OLFML2A: variants seen among roughly 807,000 people sequenced by gnomAD.
OLFML2A encodes the protein olfactomedin like 2A.
OLFML2A carries 47 observed loss-of-function variants against 60.9 expected under a neutral mutation model. The ratio of observed to expected loss-of-function variants is 0.77; its 90% confidence interval spans 0.61 to 0.98. OLFML2A has a LOEUF of 0.98. Among genes scored for constraint, OLFML2A ranks in the 50% least tolerant of loss-of-function variants. The pLI, the probability that OLFML2A is intolerant of heterozygous loss-of-function variation, is 0.00. For missense variants in OLFML2A, 922 were observed against 879.8 expected, an observed-to-expected ratio of 1.05 and a Z score of -0.61; for synonymous variants, 372 against 375.0, an observed-to-expected ratio of 0.99 and a Z score of 0.09.
intron 7 of OLFML2A, 132 bp downstream of exon 7, chr9:124,808,098 C>A: frequency 1.4e-6 from 1 of 692,088 alleles, no homozygotes; most frequent in Non-Finnish European, 2.4e-6. Context: ...TTGTTAGCCA[C>A]CCCAAGGAGG....
chr9:124,798,597 G>A (rs1457794311), intron 3 of OLFML2A, among the ~76,000 whole-genome samples: 1 of 151,964 alleles, frequency 6.6e-6, no homozygotes, highest in Non-Finnish European at 1.5e-5. Context: ...ACTTTGGGAG[G>A]CCAAGGCGGG....
rs190591120 is a variant in OLFML2A at position 124,789,210 on chromosome 9, G to A, written c.354+1972G>A. Among the ~76,000 whole-genome samples the A allele has an allele frequency of 2.9e-3, 440 of 152,300 alleles. 4 individuals carry two copies. The highest frequency in any genetic ancestry group is 3.7e-3 in the Non-Finnish European group (254 of 68,016). On this transcript the variant is annotated intron_variant, in intron 2 of 7. Coordinates refer to ENST00000373580, the MANE Select transcript of OLFML2A (RefSeq NM_182487.4). The stretch of plus-strand genomic sequence containing the variant: ...CTCCCAAAATGCTGGGATTACAGGC[G>A]TGAGTCACTGTGCCTTTCCAGTTTG...
rs1263678645 is a variant in OLFML2A at position 124,795,048 on chromosome 9, G to C, written c.379G>C (p.Glu127Gln). Residue 127 changes from glutamate (E) to glutamine (Q), a missense_variant, in exon 3 of 8, where the codon GAG (glutamate) becomes CAG (glutamine). Transcript: ENST00000373580. Reference sequence around the variant, plus strand: ...GCTGCAGTCCATGGTGGATCTCCTGGAGGGCACCCTGTACAGCATGGACTT... The same window carrying C: ...GCTGCAGTCCATGGTGGATCTCCTGCAGGGCACCCTGTACAGCATGGACTT... Reference protein sequence around the residue: ...LKLQSMVDLLEGTLYSMDLMK... With the variant: ...LKLQSMVDLLQGTLYSMDLMK... The C allele has an allele frequency of 6.2e-7, 1 of 1,606,472 alleles. No homozygotes were observed. The highest frequency in any genetic ancestry group is 1.3e-5 in the African/African-American group (1 of 74,844).
At chr9:124,782,397 C>T (rs1841377162) in intron 1 of OLFML2A, among the ~76,000 whole-genome samples, 1 of 152,198 alleles carries the variant, frequency 6.6e-6, no homozygotes, top group Non-Finnish European at 1.5e-5. Flanking sequence ...ATTCTGATAG[C>T]AGGTACCCCT....
At chr9:124,795,206 G>A (rs767048080) in intron 3 of OLFML2A, 75 bp downstream of exon 3, 56 of 792,572 alleles carry the variant, frequency 7.1e-5, no homozygotes, top group African/African-American at 1.0e-4. Context: ...AAGGGGCCCC[G>A]GCAATCCAGG....
intron 2 of OLFML2A, among the ~76,000 whole-genome samples, chr9:124,792,181 G>C (rs1232372071): frequency 6.6e-6 from 1 of 152,226 alleles, no homozygotes; most frequent in Admixed American, 6.5e-5. Context: ...GGCACTACCT[G>C]TGCCCCTGAT....
In OLFML2A at chr9:124,801,664, G is replaced by A; in HGVS notation, c.919+1G>A. ...CAGGAGGTGACCGAGGCGGTGGCAGGTGAGTAGGAGGGGAATGGGGACCCT... is the reference window on the plus strand; with the variant it reads ...CAGGAGGTGACCGAGGCGGTGGCAGATGAGTAGGAGGGGAATGGGGACCCT... On this transcript the variant is annotated splice_donor_variant, in intron 5 of 7. Coordinates refer to ENST00000373580, the MANE Select transcript of OLFML2A (RefSeq NM_182487.4). LOFTEE classifies it high-confidence loss of function. 1 of 1,612,362 alleles carries A rather than the reference G, an allele frequency of 6.2e-7. No individual in the cohort carries two copies. The highest frequency in any genetic ancestry group is 1.1e-5 in the South Asian group (1 of 91,058).
At chr9:124,794,863 C>A (rs1275398487) in intron 2 of OLFML2A, among the ~76,000 whole-genome samples, 161 bp from the exon 3 acceptor site, 1 of 151,974 alleles carries the variant, frequency 6.6e-6, no homozygotes, top group East Asian at 2.0e-4. Context: ...CTCAGGTGAT[C>A]CACCCGCCTG....
Position 124,810,404 on chromosome 9 carries a change from G to C in OLFML2A, c.1951G>C (p.Val651Leu), listed in dbSNP as rs770591877. 3 of 1,594,456 alleles carry C rather than the reference G, an allele frequency of 1.9e-6. No individual in the cohort carries two copies. The highest frequency in any genetic ancestry group is 1.3e-5 in the African/African-American group (1 of 74,854). The change falls in exon 8 of 8, where the codon GTG becomes CTG. Residue 651 changes from valine to leucine, a missense_variant. By Grantham distance (32) the Val-to-Leu change is conservative. Transcript: ENST00000373580. ...CCAGCTCACCTACACCCTCCACTTC[G>C]TGGTCTGAGTGGAGACCTGTGCTCC... ...GHQLTYTLHF[V>L]V
chr9:124,795,299 G>T (rs1002865617), intron 3 of OLFML2A, among the ~76,000 whole-genome samples, 168 bp downstream of exon 3: 1 of 152,240 alleles, frequency 6.6e-6, no homozygotes, highest in Non-Finnish European at 1.5e-5. Context: ...CAGCCTCTGG[G>T]GAAGAGGTCT....
chr9:124,799,328 A>C lies in OLFML2A; in HGVS notation c.506A>C (p.Asp169Ala). Residue 169 changes from aspartate to alanine, a missense_variant, in exon 4 of 8, where the codon GAC (aspartate) becomes GCC (alanine). Asp to Ala is a moderately radical substitution (Grantham distance 126). Coordinates refer to ENST00000373580, the MANE Select transcript of OLFML2A (RefSeq NM_182487.4). ...AGCCGGGAGAATGAGGTGGTGAAGG[A>C]CAGCGTGCGCCACCTCAGTGAGCAG... Reference protein sequence around the residue: ...NLSRENEVVKDSVRHLSEQLR... With the variant: ...NLSRENEVVKASVRHLSEQLR... 6.2e-7 allele frequency: 1 copy of C among 1,613,426 alleles called. No individual in the cohort carries two copies. The highest frequency in any genetic ancestry group is 1.1e-5 in the South Asian group (1 of 91,076).
chr9:124,810,061 C>T lies in OLFML2A; in HGVS notation c.1608C>T (p.Ala536=), dbSNP rs201825679. Reference sequence around the variant, plus strand: ...GCGGCCTGTGGGTCATCTACCCCGCCGTGGACGACCGCGATGAGGCCCAGC... The same window carrying T: ...GCGGCCTGTGGGTCATCTACCCCGCTGTGGACGACCGCGATGAGGCCCAGC... ...DESGLWVIYP[A]VDDRDEAQPE... Residue 536 remains alanine, a synonymous_variant, in exon 8 of 8, where the codon GCC becomes GCT. Transcript: ENST00000373580. 4.6e-5 allele frequency: 74 copies of T among 1,613,886 alleles called. No homozygotes were observed. The highest frequency in any genetic ancestry group is 6.7e-5 in the African/African-American group (5 of 75,044).
intron 3 of OLFML2A, among the ~76,000 whole-genome samples, 174 bp downstream of exon 3, chr9:124,795,305 G>C (rs1354427143): frequency 6.6e-6 from 1 of 152,242 alleles, no homozygotes; most frequent in African/African-American, 2.4e-5. Context: ...CTGGGGAAGA[G>C]GTCTAACTGG....
Position 124,810,435 on chromosome 9 carries a change from G to A in OLFML2A, c.*23G>A. On this transcript the variant is annotated 3_prime_UTR_variant, in exon 8 of 8. Transcript: ENST00000373580. ...TGAGTGGAGACCTGTGCTCCCCGGA[G>A]AGGGGCAGCAGTGCGGGAGGGGCTT... 1 of 1,572,790 alleles carries A rather than the reference G, an allele frequency of 6.4e-7. No homozygotes were observed. Among genetic ancestry groups the A allele is most frequent in the African/African-American group, 1.3e-5 (1 of 74,610 alleles).
chr9:124,787,399 C>T (rs1841496483), intron 2 of OLFML2A, among the ~76,000 whole-genome samples, 161 bp downstream of exon 2: 1 of 152,116 alleles, frequency 6.6e-6, no homozygotes, highest in South Asian at 2.1e-4. Flanking sequence ...CACTTCTTGC[C>T]AGGAAGTGAC....
rs181359800 is a variant in OLFML2A, at chr9:124,787,566, T to A, written c.354+328T>A. Among the ~76,000 whole-genome samples the A allele has an allele frequency of 2.3e-4, 35 of 150,108 alleles. No individual in the cohort carries two copies. In the East Asian group the frequency reaches 2.8e-3, roughly 12 times the overall value. On this transcript the variant is annotated intron_variant, in intron 2 of 7. Coordinates refer to ENST00000373580, the MANE Select transcript of OLFML2A (RefSeq NM_182487.4). Reference sequence around the variant, plus strand: ...TATTTTATTTTATTTTATTTTATTTTATTTATTTCTTGAAACAGAGTCTCG... The same window carrying A: ...TATTTTATTTTATTTTATTTTATTTAATTTATTTCTTGAAACAGAGTCTCG...
chr9:124,795,893 T>A (rs1841660448), intron 3 of OLFML2A, among the ~76,000 whole-genome samples: 1 of 152,206 alleles, frequency 6.6e-6, no homozygotes, highest in Non-Finnish European at 1.5e-5. Flanking sequence ...CCTGCCCTGG[T>A]CAGGGTGAAT....
chr9:124,780,719 C>A (rs2131238058), intron 1 of OLFML2A, among the ~76,000 whole-genome samples: 1 of 152,334 alleles, frequency 6.6e-6, no homozygotes, highest in South Asian at 2.1e-4. Context: ...GCATCTGGGG[C>A]AGAGCCTTGA....
At chr9:124,806,873 G>T (rs1046295704) in intron 6 of OLFML2A, among the ~76,000 whole-genome samples, 18 of 152,060 alleles carry the variant, frequency 1.2e-4, no homozygotes, top group Admixed American at 4.6e-4. Flanking sequence ...CTCCCAAACT[G>T]CTGGGATTAC....
Sources: gnomAD v4.1 joint callset for allele counts (sites outside exome capture counted in the v4.1 genomes callset) on GRCh38, gnomAD v4.1.1 for gene constraint, MANE v1.5 for transcripts, NCBI Gene and HGNC (gene_info 2026-07-23, HGNC 2026-07-21) for gene names.